Variants in DOP1A observed in about 807,000 individuals in gnomAD.
DOP1A encodes DOP1 leucine zipper like protein A.
Under a neutral mutation model 267.6 loss-of-function variants are expected in DOP1A, and 90 were observed. That is an observed-to-expected ratio of 0.34 (90% CI 0.28 to 0.40). The LOEUF (loss-of-function observed/expected upper bound fraction) is 0.40. Among genes scored for constraint, DOP1A ranks in the 10% least tolerant of loss-of-function variants. The pLI is 1.00. For synonymous variants in DOP1A, 932 were observed against 999.1 expected (o/e 0.93, Z 1.27); for missense variants, 2,437 against 2,900.4 (o/e 0.84, Z 3.67).
At chr6:83,140,469 A>ACATATTCT in intron 23 of DOP1A, 66 bp downstream of exon 23, 3 of 1,248,990 alleles carry the variant, frequency 2.4e-6, no homozygotes, top group Non-Finnish European at 3.3e-6. Flanking sequence ...GATTATATTC[A>ACATATTCT]GAATATGTGA....
At position 83,120,801 on chromosome 6, in the gene DOP1A, A is replaced by G; in HGVS notation, c.1099+10A>G. On this transcript the variant is annotated intron_variant, in intron 10 of 38. Coordinates refer to ENST00000349129, the MANE Select transcript of DOP1A (RefSeq NM_015018.4). Reference sequence around the variant, plus strand: ...GACAAACCTGAGCTAGGTAATGTATACTGTCCTAGGGCATAAGGTCATGTG... The same window carrying G: ...GACAAACCTGAGCTAGGTAATGTATGCTGTCCTAGGGCATAAGGTCATGTG... 6.5e-7 allele frequency: 1 copy of G among 1,545,008 alleles called. No individual in the cohort carries two copies. Among genetic ancestry groups the G allele is most frequent in the Non-Finnish European group, 8.8e-7 (1 of 1,130,752 alleles).
chr6:83,124,889 C>A, intron 13 of DOP1A, 70 bp downstream of exon 13: 1 of 1,251,258 alleles, frequency 8.0e-7, no homozygotes, highest in Non-Finnish European at 1.1e-6. Context: ...GTGTTGTAGG[C>A]AAGCCTTCAG....
chr6:83,092,253 T>TTAAC (rs57569665), intron 1 of DOP1A, among the ~76,000 whole-genome samples: 149,020 of 152,132 alleles, frequency 0.98, 73,063 homozygotes, highest in Middle Eastern at 1. Context: ...TTACCAGTCT[T>TTAAC]TATTATGTTT....
Position 83,132,283 on chromosome 6 carries a change from C to A in DOP1A, c.2724C>A (p.Ser908Arg). Residue 908 changes from serine to arginine, a missense_variant, in exon 18 of 39, where the codon AGC (serine) becomes AGA (arginine). This residue lies in a region of DOP1A where 878 missense variants were observed against 992.9 expected (regional missense o/e 0.88). Coordinates refer to ENST00000349129, the MANE Select transcript of DOP1A (RefSeq NM_015018.4). ...YQLHNLVPSS[S>R]ICEDVISQQL... Reference sequence around the variant, plus strand: ...TACATAACTTAGTTCCTTCTTCTAGCATCTGTGAGGATGTTATAAGTCAGC... The same window carrying A: ...TACATAACTTAGTTCCTTCTTCTAGAATCTGTGAGGATGTTATAAGTCAGC... 6.2e-7 allele frequency: 1 copy of A among 1,613,554 alleles called. No individual in the cohort carries two copies. The highest frequency in any genetic ancestry group is 8.5e-7 in the Non-Finnish European group (1 of 1,179,644).
intron 27 of DOP1A, among the ~76,000 whole-genome samples, chr6:83,149,870 A>G (rs1781292886): frequency 6.6e-6 from 1 of 152,176 alleles, no homozygotes; most frequent in African/African-American, 2.4e-5. Flanking sequence ...TTAAGAGAGC[A>G]TGGTTAACAC....
At chr6:83,115,373 CAATT>C (rs1775241594) in intron 7 of DOP1A, among the ~76,000 whole-genome samples, 1 of 152,284 alleles carries the variant, frequency 6.6e-6, no homozygotes, top group South Asian at 2.1e-4. Flanking sequence ...TTACCTCACA[CAATT>C]AATTTTTACA....
intron 19 of DOP1A, among the ~76,000 whole-genome samples, chr6:83,135,127 C>A (rs1247221453): frequency 6.6e-6 from 1 of 151,966 alleles, no homozygotes; most frequent in East Asian, 1.9e-4. Context: ...TGCCCAACAC[C>A]ACACAAAATA....
intron 1 of DOP1A, among the ~76,000 whole-genome samples, chr6:83,086,071 A>G (rs988262652): frequency 7.2e-5 from 11 of 152,114 alleles, no homozygotes; most frequent in African/African-American, 2.2e-4. Flanking sequence ...ATAGGACTAT[A>G]GGAGATAACC....
At position 83,085,960 on chromosome 6, in the gene DOP1A, A is replaced by C. The variant is rs1013516572; in HGVS notation, c.-146-10771A>C. 2.6e-5 allele frequency among the ~76,000 whole-genome samples: 4 copies of C among 152,294 alleles called. No homozygotes were observed. The South Asian group carries it at 8.3e-4, about 32-fold the overall frequency. On this transcript the variant is annotated intron_variant, in intron 1 of 38. Transcript: ENST00000349129. ...ACTCTCAAGAATAGAAGCAGGAATC[A>C]GTGGTGTGCTGGAGTGGGCTATAAC...
chr6:83,155,811 C>T, intron 33 of DOP1A, 140 bp from the exon 34 acceptor site: 1 of 955,268 alleles, frequency 1.0e-6, no homozygotes, highest in Non-Finnish European at 1.5e-6. Flanking sequence ...AGCCTGTCTG[C>T]CCCAGAGAGG....
At chr6:83,132,814 A>G (rs1778288137) in intron 18 of DOP1A, among the ~76,000 whole-genome samples, 1 of 152,196 alleles carries the variant, frequency 6.6e-6, no homozygotes, top group Non-Finnish European at 1.5e-5. Flanking sequence ...CCTAATGTAT[A>G]TGAAGTGTGA....
intron 5 of DOP1A, 101 bp from the exon 6 acceptor site, chr6:83,110,024 G>T: frequency 1.6e-6 from 2 of 1,236,250 alleles, no homozygotes; most frequent in Non-Finnish European, 2.2e-6. Flanking sequence ...ACATATGACT[G>T]TAGCATGGGT....
chr6:83,164,616 T>A (rs1256285031), intron 38 of DOP1A: 1 of 1,539,094 alleles, frequency 6.5e-7, no homozygotes, highest in Non-Finnish European at 8.8e-7. Context: ...AAGCATACTT[T>A]TCACTGGAAC....
rs1181130005 is a variant in DOP1A, at chr6:83,167,996, C to G, written c.7227C>G (p.Ser2409Arg). The change falls in exon 39 of 39, where the codon AGC (serine) becomes AGG (arginine). Residue 2409 changes from serine to arginine, a missense_variant. Around this residue, in one of 9 missense-constraint regions of DOP1A, gnomAD observed 197 missense variants for 246.5 expected, o/e 0.80. Transcript: ENST00000349129. Reference sequence around the variant, plus strand: ...ATGTGCTCAGTCAAGTCTTCAACAGCAAAGTCACAAGCCGATGTGGAGGAC... The same window carrying G: ...ATGTGCTCAGTCAAGTCTTCAACAGGAAAGTCACAAGCCGATGTGGAGGAC... ...FFNVLSQVFNSKVTSRCGGHS... is the reference protein window; with the variant it reads ...FFNVLSQVFNRKVTSRCGGHS... 2.5e-6 allele frequency: 4 copies of G among 1,614,172 alleles called. No homozygotes were observed. Among genetic ancestry groups the G allele is most frequent in the Non-Finnish European group, 3.4e-6 (4 of 1,180,030 alleles).
In DOP1A at chr6:83,165,757, G is replaced by A. The variant is rs76498451; in HGVS notation, c.7093-2105G>A. On this transcript the variant is annotated intron_variant, in intron 38 of 38. Transcript: ENST00000349129. ...TCATAGCCCAATTAGTTCAATTTTC[G>A]AAGCGTTGGTTGTGCAACGTGCGGC... The A allele has an allele frequency of 3.9e-4, 93 of 237,754 alleles. No homozygotes were observed. In the East Asian group the frequency reaches 4.0e-3, roughly 10 times the overall value. The allele number at this position is 237,754 out of a possible 1,614,324, so 14.7% of individuals were successfully genotyped here.
intron 25 of DOP1A, among the ~76,000 whole-genome samples, chr6:83,146,891 T>G (rs760194424): frequency 6.6e-6 from 1 of 152,154 alleles, no homozygotes; most frequent in Non-Finnish European, 1.5e-5. Context: ...TCAACCTCAT[T>G]CTGATAGCAC....
intron 1 of DOP1A, among the ~76,000 whole-genome samples, chr6:83,074,147 G>T (rs1178615609): frequency 6.6e-6 from 1 of 152,108 alleles, no homozygotes; most frequent in African/African-American, 2.4e-5. Flanking sequence ...ATTTTGGAAA[G>T]AATATTCAAA....
intron 37 of DOP1A, among the ~76,000 whole-genome samples, chr6:83,161,850 A>T (rs1216602661): frequency 6.6e-6 from 1 of 152,108 alleles, no homozygotes; most frequent in African/African-American, 2.4e-5. Context: ...ATATTCTCAG[A>T]TGTGCACAAA....
At chr6:83,092,498 C>T (rs774031520) in intron 1 of DOP1A, among the ~76,000 whole-genome samples, 12 of 150,888 alleles carry the variant, frequency 8.0e-5, no homozygotes, top group Non-Finnish European at 1.2e-4. Flanking sequence ...CTTCAAAATA[C>T]TGCTTTATGT....
Sources: allele counts gnomAD v4.1 joint callset (sites outside exome capture counted in the v4.1 genomes callset), GRCh38; gene constraint gnomAD v4.1.1; regional missense constraint gnomAD v4.1.1; transcripts MANE v1.5; gene names NCBI Gene and HGNC (gene_info 2026-07-23, HGNC 2026-07-21).